CSMD1: variants seen among roughly 807,000 people sequenced by gnomAD.
CSMD1 encodes CUB and sushi domain-containing protein 1.
A neutral mutation model predicts 417.5 loss-of-function variants in CSMD1; 213 were observed. That is an observed-to-expected ratio of 0.51 (90% CI 0.46 to 0.57). The LOEUF is 0.57. Ranked by LOEUF, CSMD1 falls within the 20% of genes least tolerant of loss-of-function variation. CSMD1 has a pLI of 0.00. For missense variants in CSMD1, 6,923 were observed against 4,529.7 expected (o/e 1.53, Z -15.17); for synonymous variants, 2,862 against 1,736.8 (o/e 1.65, Z -16.11).
intron 54 of CSMD1, among the ~76,000 whole-genome samples, chr8:2,990,579 C>T (rs1404852330): frequency 6.6e-6 from 1 of 152,210 alleles, no homozygotes; most frequent in East Asian, 1.9e-4. Flanking sequence ...AGACCACCCA[C>T]ATTATCGGCG....
At position 3,539,306 on chromosome 8, in the gene CSMD1, C is replaced by T. The variant is rs189838744; in HGVS notation, c.1344+35639G>A. On this transcript the variant is annotated intron_variant, in intron 10 of 69. Transcript: ENST00000635120. ...TGTCTTCCCCCTACTGCCTACCTCC[C>T]ACCCCCAAGCCAATCCCAGCTCTTT... Among the ~76,000 whole-genome samples, 673 of 152,314 alleles carry T rather than the reference C, an allele frequency of 4.4e-3. 7 individuals carry two copies. Among genetic ancestry groups the T allele is most frequent in the African/African-American group, 0.016 (648 of 41,572 alleles).
intron 1 of CSMD1, among the ~76,000 whole-genome samples, chr8:4,868,565 A>T (rs1304361033): frequency 2.6e-5 from 4 of 152,074 alleles, no homozygotes; most frequent in Non-Finnish European, 5.9e-5. Context: ...TACCGTTATT[A>T]TTAAAAAACC....
intron 26 of CSMD1, among the ~76,000 whole-genome samples, chr8:3,233,026 G>A (rs1038211271): frequency 2.0e-5 from 3 of 151,574 alleles, no homozygotes; most frequent in African/African-American, 7.3e-5. Context: ...TGACATAGTT[G>A]ACTGATGATT....
chr8:3,862,053 G>C (rs935461432), intron 5 of CSMD1, among the ~76,000 whole-genome samples: 3 of 152,136 alleles, frequency 2.0e-5, no homozygotes, highest in Admixed American at 6.6e-5. Context: ...CTAAATCAAA[G>C]TTTTCTCTCC....
chr8:3,366,414 T>C (rs1280969920), intron 20 of CSMD1, among the ~76,000 whole-genome samples: 2 of 152,224 alleles, frequency 1.3e-5, no homozygotes, highest in South Asian at 2.1e-4. Flanking sequence ...GTCATAGAAC[T>C]ATACAAATTA....
chr8:4,210,599 C>A (rs73184119), intron 3 of CSMD1, among the ~76,000 whole-genome samples: 2 of 151,486 alleles, frequency 1.3e-5, no homozygotes, highest in Admixed American at 6.6e-5. Flanking sequence ...ATGTTTAGAG[C>A]AAAACAATAG....
intron 10 of CSMD1, among the ~76,000 whole-genome samples, chr8:3,543,442 G>A (rs181510785): frequency 2.6e-4 from 40 of 152,284 alleles, no homozygotes; most frequent in African/African-American, 9.6e-4. Context: ...GCAGAAATGA[G>A]TTAGGAGAGA....
intron 6 of CSMD1, among the ~76,000 whole-genome samples, chr8:3,717,757 C>A (rs1221103873): frequency 6.6e-6 from 1 of 152,138 alleles, no homozygotes; most frequent in Non-Finnish European, 1.5e-5. Context: ...TTTATGACCT[C>A]TTTGAACAGT....
intron 12 of CSMD1, among the ~76,000 whole-genome samples, chr8:3,451,122 A>T (rs896043366): frequency 4.6e-5 from 7 of 152,154 alleles, no homozygotes; most frequent in African/African-American, 1.7e-4. Flanking sequence ...TCTTTTGAGA[A>T]GTGTCTGTTC....
chr8:3,702,236 A>C (rs1028362996), intron 7 of CSMD1: 4 of 152,180 alleles, frequency 2.6e-5, no homozygotes, highest in Admixed American at 2.6e-4. Flanking sequence ...GTAACTGCAA[A>C]TGCTCCTCCG....
chr8:3,025,786 G>A (rs1809827313), intron 51 of CSMD1, among the ~76,000 whole-genome samples: 1 of 152,132 alleles, frequency 6.6e-6, no homozygotes, highest in Non-Finnish European at 1.5e-5. Context: ...GTTTGAAAAT[G>A]AATCCTTATT....
At chr8:3,139,452 T>C (rs539267236) in intron 41 of CSMD1, among the ~76,000 whole-genome samples, 1 of 152,160 alleles carries the variant, frequency 6.6e-6, no homozygotes, top group Non-Finnish European at 1.5e-5. Context: ...CCATGCTGGA[T>C]GTCACCAGGA....
intron 3 of CSMD1, among the ~76,000 whole-genome samples, chr8:4,258,150 G>A (rs998251262): frequency 5.3e-5 from 8 of 150,556 alleles, no homozygotes; most frequent in African/African-American, 2.0e-4. Context: ...TCACCATGTT[G>A]TTCAGGCTGG....
At chr8:3,645,630 T>TCTTC (rs904026762) in intron 7 of CSMD1, among the ~76,000 whole-genome samples, 5 of 152,194 alleles carry the variant, frequency 3.3e-5, no homozygotes, top group African/African-American at 1.2e-4. Context: ...GAGTCGGCCT[T>TCTTC]CTGCATTTGT....
chr8:3,788,784 G>A (rs1799577194), intron 5 of CSMD1, among the ~76,000 whole-genome samples: 1 of 152,164 alleles, frequency 6.6e-6, no homozygotes, highest in African/African-American at 2.4e-5. Context: ...ATAAGAGAGT[G>A]CAAAATCAAT....
intron 3 of CSMD1, among the ~76,000 whole-genome samples, chr8:4,328,337 G>T (rs1280417054): frequency 2.0e-5 from 3 of 149,392 alleles, no homozygotes; most frequent in African/African-American, 7.4e-5. Flanking sequence ...TGCGGTCTGA[G>T]ACTTCTCTCT....
At chr8:4,791,945 CTTTT>C (rs5889063) in intron 1 of CSMD1, among the ~76,000 whole-genome samples, 1 of 150,846 alleles carries the variant, frequency 6.6e-6, no homozygotes, top group African/African-American at 2.4e-5. Flanking sequence ...GTTAGTTTTC[CTTTT>C]TTTTTAAATA....
At chr8:3,346,688 G>A (rs1349928046) in intron 22 of CSMD1, among the ~76,000 whole-genome samples, 4 of 152,282 alleles carry the variant, frequency 2.6e-5, no homozygotes, top group East Asian at 3.9e-4. Flanking sequence ...GGAGCCCGGC[G>A]GGGGCTCCAT....
intron 23 of CSMD1, among the ~76,000 whole-genome samples, chr8:3,317,123 T>G (rs894334): frequency 0.49 from 75,097 of 151,948 alleles, 19,427 homozygotes; most frequent in South Asian, 0.61. Flanking sequence ...AAAATGCAGC[T>G]CATGGGAGAG....
Sources: allele counts gnomAD v4.1 joint callset (sites outside exome capture counted in the v4.1 genomes callset), GRCh38; gene constraint gnomAD v4.1.1; transcripts MANE v1.5; gene names NCBI Gene and HGNC (gene_info 2026-07-23, HGNC 2026-07-21).